CABLES1: variants seen among roughly 807,000 people sequenced by gnomAD.
CABLES1 encodes Cdk5 and Abl enzyme substrate 1.
CABLES1 carries 36 observed loss-of-function variants against 57.8 expected under a neutral mutation model. The observed-to-expected ratio is 0.62, with a 90% confidence interval of 0.48 to 0.82. CABLES1 has a LOEUF of 0.82. CABLES1 is among the 40% of genes least tolerant of loss of function. The pLI, the probability that CABLES1 is intolerant of heterozygous loss-of-function variation, is 0.00. For missense variants in CABLES1, 767 were observed against 836.6 expected, an observed-to-expected ratio of 0.92 and a Z score of 1.03; for synonymous variants, 374 against 363.0, an observed-to-expected ratio of 1.03 and a Z score of -0.35.
intron 1 of CABLES1, among the ~76,000 whole-genome samples, chr18:23,145,345 G>A (rs1374554724): frequency 4.6e-5 from 7 of 151,814 alleles, no homozygotes; most frequent in Admixed American, 3.3e-4. Flanking sequence ...CACCCGTCTC[G>A]GCCTCCCAAA....
At chr18:23,160,647 A>G (rs1196907340) in intron 1 of CABLES1, among the ~76,000 whole-genome samples, 1 of 152,158 alleles carries the variant, frequency 6.6e-6, no homozygotes, top group Non-Finnish European at 1.5e-5. Flanking sequence ...AGGAGTCCAC[A>G]TGTTCTGGTC....
At chr18:23,223,846 G>A (rs1383489930) in intron 4 of CABLES1, among the ~76,000 whole-genome samples, 1 of 152,076 alleles carries the variant, frequency 6.6e-6, no homozygotes, top group Non-Finnish European at 1.5e-5. Context: ...GGCATGCATT[G>A]AATAAAGACT....
At chr18:23,190,071 C>T (rs561209547) in intron 2 of CABLES1, among the ~76,000 whole-genome samples, 1 of 152,298 alleles carries the variant, frequency 6.6e-6, no homozygotes, top group Non-Finnish European at 1.5e-5. Context: ...GTGTGGCAAA[C>T]GCGGCCTGGG....
At chr18:23,208,597 T>C (rs1250239048) in intron 3 of CABLES1, among the ~76,000 whole-genome samples, 1 of 152,208 alleles carries the variant, frequency 6.6e-6, no homozygotes, top group Non-Finnish European at 1.5e-5. Context: ...GCCTTCACCG[T>C]CTCTGTGCAC....
chr18:23,211,363 GC>G (rs1445116742), intron 3 of CABLES1, among the ~76,000 whole-genome samples: 1 of 152,176 alleles, frequency 6.6e-6, no homozygotes, highest in East Asian at 1.9e-4. Flanking sequence ...GTTGCTCCTG[GC>G]CTTTGTCCTG....
intron 2 of CABLES1, among the ~76,000 whole-genome samples, chr18:23,193,832 C>T (rs1324353229): frequency 6.6e-6 from 1 of 152,128 alleles, no homozygotes; most frequent in Middle Eastern, 3.2e-3. Context: ...TGAATCCAAG[C>T]CATTTTAGCT....
chr18:23,208,079 T>G (rs1263152761), intron 3 of CABLES1, among the ~76,000 whole-genome samples: 1 of 152,182 alleles, frequency 6.6e-6, no homozygotes, highest in Non-Finnish European at 1.5e-5. Flanking sequence ...ATCCCATGCC[T>G]CCTCCTCCTA....
intron 1 of CABLES1, among the ~76,000 whole-genome samples, chr18:23,167,783 C>T (rs1482316643): frequency 6.6e-6 from 1 of 151,920 alleles, no homozygotes; most frequent in East Asian, 1.9e-4. Flanking sequence ...CCAAGCCAGG[C>T]TTGCTGCAGG....
Position 23,135,749 on chromosome 18 carries a change from C to T in CABLES1, c.-14C>T, listed in dbSNP as rs2046813532. 2.0e-6 allele frequency: 2 copies of T among 987,990 alleles called. No homozygotes were observed. The highest frequency in any genetic ancestry group is 1.8e-5 in the African/African-American group (1 of 56,816). The allele number at this position is 987,990 out of a possible 1,614,324, so 61.2% of individuals were successfully genotyped here. ...TCTCCGGGCATCGCGGAAATCCCGC[C>T]GCAGACGGACACAATGGCGGCGGCG... is the stretch of plus-strand genomic sequence containing the variant. On this transcript the variant is annotated 5_prime_UTR_variant, in exon 1 of 10. Coordinates refer to ENST00000256925, the MANE Select transcript of CABLES1 (RefSeq NM_001100619.3).
chr18:23,196,341 C>A (rs971996368), intron 3 of CABLES1, among the ~76,000 whole-genome samples: 5 of 152,088 alleles, frequency 3.3e-5, no homozygotes, highest in African/African-American at 1.2e-4. Context: ...GGGTCGTATG[C>A]CCAGGTGAGA....
At chr18:23,142,584 A>G (rs1180160417) in intron 1 of CABLES1, among the ~76,000 whole-genome samples, 1 of 152,238 alleles carries the variant, frequency 6.6e-6, no homozygotes, top group Non-Finnish European at 1.5e-5. Flanking sequence ...GTTATGTAGA[A>G]AAGGAAATCT....
At chr18:23,173,001 G>A (rs1039940891) in intron 1 of CABLES1, among the ~76,000 whole-genome samples, 9 of 152,196 alleles carry the variant, frequency 5.9e-5, no homozygotes, top group African/African-American at 9.7e-5. Context: ...GATGTCTTAC[G>A]CCAAAGGTTA....
intron 3 of CABLES1, among the ~76,000 whole-genome samples, chr18:23,200,926 T>A (rs181672594): frequency 3.5e-4 from 53 of 152,338 alleles, no homozygotes; most frequent in African/African-American, 1.3e-3. Context: ...GCATGTGGTA[T>A]TCCCGCCAGC....
rs183116825 is a variant in CABLES1 at position 23,207,693 on chromosome 18, G to C, written c.1011-6284G>C. ...GATTAAGTGCTCAGAAAATATTTGT[G>C]TGAGGGAGGGAGGGAGGAGAGGAAG... On this transcript the variant is annotated intron_variant, in intron 3 of 9. Coordinates refer to ENST00000256925, the MANE Select transcript of CABLES1 (RefSeq NM_001100619.3). Among the ~76,000 whole-genome samples the C allele has an allele frequency of 4.7e-4, 69 of 147,808 alleles. No individual in the cohort carries two copies. The East Asian group carries it at 0.013, about 28-fold the overall frequency.
chr18:23,205,318 C>T (rs188672334), intron 3 of CABLES1, among the ~76,000 whole-genome samples: 20 of 151,782 alleles, frequency 1.3e-4, no homozygotes, highest in Admixed American at 5.9e-4. Flanking sequence ...CTCAGCTTCC[C>T]GGATAGCTGG....
At chr18:23,219,725 A>G (rs2047472247) in intron 4 of CABLES1, among the ~76,000 whole-genome samples, 1 of 152,192 alleles carries the variant, frequency 6.6e-6, no homozygotes, top group African/African-American at 2.4e-5. Flanking sequence ...ACCAGATACT[A>G]CAAGGACCCT....
intron 1 of CABLES1, among the ~76,000 whole-genome samples, chr18:23,177,355 C>A (rs182011091): frequency 2.8e-4 from 42 of 151,742 alleles, no homozygotes; most frequent in Middle Eastern, 3.4e-3. Flanking sequence ...CTGAAGTGTT[C>A]GTAGCCCTGT....
At chr18:23,160,769 C>A (rs1043556919) in intron 1 of CABLES1, among the ~76,000 whole-genome samples, 1 of 152,082 alleles carries the variant, frequency 6.6e-6, no homozygotes, top group Non-Finnish European at 1.5e-5. Context: ...TATGGTGGCT[C>A]ATGCCTGTAA....
chr18:23,155,647 A>G (rs533221163), intron 1 of CABLES1, among the ~76,000 whole-genome samples: 2 of 152,132 alleles, frequency 1.3e-5, no homozygotes, highest in South Asian at 2.1e-4. Flanking sequence ...TTTTCCTTCA[A>G]CCTCAGGGAG....
Sources: gnomAD v4.1 joint callset for allele counts (sites outside exome capture counted in the v4.1 genomes callset) on GRCh38, gnomAD v4.1.1 for gene constraint, MANE v1.5 for transcripts, NCBI Gene and HGNC (gene_info 2026-07-23, HGNC 2026-07-21) for gene names.